The following ANKS1B variants were observed in gnomAD, a reference collection of about 807,000 sequenced individuals.
ANKS1B encodes ankyrin repeat and sterile alpha motif domain-containing protein 1B.
ANKS1B carries 36 observed loss-of-function variants against 148.3 expected under a neutral mutation model. The ratio of observed to expected loss-of-function variants is 0.24; its 90% CI spans 0.19 to 0.32. The LOEUF (loss-of-function observed/expected upper bound fraction) is 0.32. Ranked by LOEUF, ANKS1B falls within the 10% of genes least tolerant of loss-of-function variation. The probability of loss-of-function intolerance (pLI) is 1.00; values close to 1 mark genes in which losing one functional copy is unlikely to be tolerated. For missense variants in ANKS1B, 1,157 were observed against 1,542.6 expected (o/e 0.75, Z 4.19); for synonymous variants, 542 against 560.8 (o/e 0.97, Z 0.47).
chr12:99,963,132 C>T (rs2095439133), intron 1 of ANKS1B, among the ~76,000 whole-genome samples: 1 of 152,126 alleles, frequency 6.6e-6, no homozygotes, highest in African/African-American at 2.4e-5. Context: ...CTTTTTTACC[C>T]GTGTGTTGGC....
Position 99,973,450 on chromosome 12 carries a change from C to A in ANKS1B, c.134+10654G>T, listed in dbSNP as rs111648042. Among the ~76,000 whole-genome samples, 174 of 152,292 alleles carry A rather than the reference C, an allele frequency of 1.1e-3. 1 individual carries two copies. Among genetic ancestry groups the A allele is most frequent in the Middle Eastern group, 0.01 (3 of 294 alleles). On this transcript the variant is annotated intron_variant, in intron 1 of 26. Transcript: ENST00000683438. ...TAAAAATTATCCAGGCTTGGTAGCA[C>A]ATGCCTGTGGTCCCAGCTACACAGG...
At chr12:98,996,780 T>TCCAG (rs1195914576) in intron 17 of ANKS1B, among the ~76,000 whole-genome samples, 8 of 115,198 alleles carry the variant, frequency 6.9e-5, no homozygotes, top group African/African-American at 2.7e-4. Context: ...ACCACTGCAC[T>TCCAG]CCAGCCTGGG....
intron 17 of ANKS1B, among the ~76,000 whole-genome samples, chr12:98,868,925 C>T (rs1181851799): frequency 2.0e-5 from 3 of 152,210 alleles, no homozygotes; most frequent in African/African-American, 7.2e-5. Flanking sequence ...TCTCATCTAT[C>T]TCCTCAAGAG....
chr12:99,727,737 C>T (rs1425902934), intron 8 of ANKS1B, among the ~76,000 whole-genome samples: 1 of 152,184 alleles, frequency 6.6e-6, no homozygotes, highest in Admixed American at 6.5e-5. Context: ...TGACTTCAAA[C>T]TATACTACAA....
chr12:99,699,345 T>A (rs539561454), intron 8 of ANKS1B, among the ~76,000 whole-genome samples: 1 of 152,216 alleles, frequency 6.6e-6, no homozygotes, highest in African/African-American at 2.4e-5. Context: ...ATTCTTTTCA[T>A]AAATAATTAC....
At chr12:99,565,680 T>A (rs1870698059) in intron 9 of ANKS1B, among the ~76,000 whole-genome samples, 1 of 152,202 alleles carries the variant, frequency 6.6e-6, no homozygotes, top group Admixed American at 6.5e-5. Context: ...AGTGGTTTTA[T>A]CAGACTGCTT....
intron 22 of ANKS1B, among the ~76,000 whole-genome samples, chr12:98,784,583 A>G (rs896348170): frequency 2.6e-5 from 4 of 152,156 alleles, no homozygotes; most frequent in Non-Finnish European, 5.9e-5. Context: ...TAGCTTCAAG[A>G]AAATGGTGGC....
At chr12:99,196,970 A>G (rs1484741976) in intron 14 of ANKS1B, among the ~76,000 whole-genome samples, 1 of 152,148 alleles carries the variant, frequency 6.6e-6, no homozygotes, top group Non-Finnish European at 1.5e-5. Context: ...CCAGGCTTAT[A>G]TCATCCTACC....
chr12:98,810,172 A>T (rs2153624870), intron 19 of ANKS1B, among the ~76,000 whole-genome samples: 1 of 152,372 alleles, frequency 6.6e-6, no homozygotes, highest in Non-Finnish European at 1.5e-5. Context: ...CAAGAGATTG[A>T]TTCAGTAACT....
chr12:99,691,212 T>C (rs2098677558), intron 8 of ANKS1B, among the ~76,000 whole-genome samples: 1 of 152,138 alleles, frequency 6.6e-6, no homozygotes, highest in Non-Finnish European at 1.5e-5. Context: ...TACAAAACCA[T>C]ACTTCCTCCC....
chr12:99,032,263 G>A (rs1253309546), intron 17 of ANKS1B, among the ~76,000 whole-genome samples: 1 of 152,202 alleles, frequency 6.6e-6, no homozygotes, highest in Non-Finnish European at 1.5e-5. Flanking sequence ...TATTGTACTA[G>A]TTTCCTAAGG....
rs117438703 is a variant in ANKS1B at position 99,484,314 on chromosome 12, C to A, written c.1438+20162G>T. ...TGCGTTTTTATAGTTTTGAGGGTTCCTTTTTGAGTTGATTTCTGGTTTTAT... is the reference window on the plus strand; with the variant it reads ...TGCGTTTTTATAGTTTTGAGGGTTCATTTTTGAGTTGATTTCTGGTTTTAT... On this transcript the variant is annotated intron_variant, in intron 10 of 26. Transcript: ENST00000683438. Among the ~76,000 whole-genome samples, 1,462 of 151,772 alleles carry A rather than the reference C, an allele frequency of 9.6e-3. 8 individuals are homozygous for A. The highest frequency in any genetic ancestry group is 0.016 in the Non-Finnish European group (1,090 of 67,796).
intron 4 of ANKS1B, among the ~76,000 whole-genome samples, chr12:99,792,639 A>G (rs1270323858): frequency 1.3e-5 from 2 of 151,946 alleles, no homozygotes; most frequent in Non-Finnish European, 2.9e-5. Context: ...TGCTGAAAAC[A>G]TATTTGATGC....
chr12:98,923,841 C>G (rs746795887), intron 17 of ANKS1B, among the ~76,000 whole-genome samples: 7 of 152,198 alleles, frequency 4.6e-5, no homozygotes, highest in Non-Finnish European at 1.0e-4. Flanking sequence ...TTCATCTTCC[C>G]TACTTTTCTC....
intron 17 of ANKS1B, among the ~76,000 whole-genome samples, chr12:99,019,308 T>G (rs576296778): frequency 6.6e-6 from 1 of 152,308 alleles, no homozygotes; most frequent in South Asian, 2.1e-4. Flanking sequence ...GTTAATAAAA[T>G]TGGTAATTGG....
At chr12:99,420,279 G>A (rs1327828531) in intron 11 of ANKS1B, among the ~76,000 whole-genome samples, 1 of 152,086 alleles carries the variant, frequency 6.6e-6, no homozygotes, top group African/African-American at 2.4e-5. Flanking sequence ...TAGTTTAAAA[G>A]AATATTTTCC....
At chr12:98,830,910 T>C (rs566972004) in intron 18 of ANKS1B, 1 of 150,758 alleles carries the variant, frequency 6.6e-6, no homozygotes, top group East Asian at 2.0e-4. Context: ...CTCTCCTTTA[T>C]ACAGGTTCTC....
intron 12 of ANKS1B, among the ~76,000 whole-genome samples, chr12:99,290,176 T>C (rs2079746100): frequency 6.7e-6 from 1 of 149,518 alleles, no homozygotes; most frequent in Non-Finnish European, 1.5e-5. Flanking sequence ...AAGAAATGGA[T>C]AAATGATTAT....
chr12:98,769,287 CA>C (rs1282504329), intron 25 of ANKS1B, among the ~76,000 whole-genome samples: 1 of 136,564 alleles, frequency 7.3e-6, no homozygotes, highest in East Asian at 2.4e-4. Flanking sequence ...CATAAGGATA[CA>C]AAATCCATGC....
Sources: gnomAD v4.1 joint callset for allele counts (sites outside exome capture counted in the v4.1 genomes callset) on GRCh38, gnomAD v4.1.1 for gene constraint, MANE v1.5 for transcripts, NCBI Gene and HGNC (gene_info 2026-07-23, HGNC 2026-07-21) for gene names.